Variants in PFKP observed in about 807,000 individuals in gnomAD.
PFKP encodes the protein phosphofructokinase, platelet.
In PFKP, 101 loss-of-function variants were observed where a neutral mutation model predicts 94.3. The ratio of observed to expected loss-of-function variants is 1.07; its 90% confidence interval spans 0.91 to 1.26. The LOEUF (loss-of-function observed/expected upper bound fraction) is 1.26. Among genes scored for constraint, PFKP ranks in the 50% most tolerant of loss-of-function variants. The pLI is 0.00. For synonymous variants in PFKP, 573 were observed against 432.6 expected (o/e 1.32, Z -4.03); for missense variants, 1,145 against 1,103.3 (o/e 1.04, Z -0.53).
intron 2 of PFKP, among the ~76,000 whole-genome samples, chr10:3,089,146 T>G (rs1833855287): frequency 6.6e-6 from 1 of 152,188 alleles, no homozygotes; most frequent in African/African-American, 2.4e-5. Context: ...TTGGCCAGGC[T>G]GGTCTCAAAC....
intron 1 of PFKP, among the ~76,000 whole-genome samples, chr10:3,072,743 A>T (rs531112052): frequency 5.3e-5 from 8 of 152,102 alleles, no homozygotes; most frequent in African/African-American, 1.9e-4. Context: ...ATCAGGGAGA[A>T]TTAGGCTCTT....
At chr10:3,078,241 TCATTGCAGGTGTGCACGTCTGCCTG>T (rs534069570) in intron 1 of PFKP, among the ~76,000 whole-genome samples, 5,946 of 152,328 alleles carry the variant, frequency 0.039, 159 homozygotes, top group Non-Finnish European at 0.056. Flanking sequence ...GTGAAAGCCC[TCATTGCAGGTGTGCACGTCTGCCTG>T]CATTGCAGGT....
At chr10:3,116,572 C>T (rs1836846146) in intron 13 of PFKP, among the ~76,000 whole-genome samples, 1 of 152,216 alleles carries the variant, frequency 6.6e-6, no homozygotes, top group Non-Finnish European at 1.5e-5. Flanking sequence ...CGCAGCCCCT[C>T]TGCTGCTCTT....
At chr10:3,133,725 C>A (rs4881105) in intron 19 of PFKP, among the ~76,000 whole-genome samples, 1 of 152,116 alleles carries the variant, frequency 6.6e-6, no homozygotes, top group African/African-American at 2.4e-5. Flanking sequence ...GCCACTGTGC[C>A]CAGCCAAAAC....
chr10:3,119,773 TGA>T, intron 15 of PFKP, 117 bp from the exon 16 acceptor site: 1 of 638,332 alleles, frequency 1.6e-6, no homozygotes, highest in Non-Finnish European at 2.5e-6. Flanking sequence ...AGTGTTTTCG[TGA>T]TGCCCCAGTG....
At chr10:3,102,315 C>G (rs1835103832) in intron 4 of PFKP, among the ~76,000 whole-genome samples, 1 of 148,220 alleles carries the variant, frequency 6.7e-6, no homozygotes, top group Non-Finnish European at 1.5e-5. Context: ...GACGATAAAT[C>G]TCTGCCAATA....
intron 16 of PFKP, among the ~76,000 whole-genome samples, chr10:3,123,447 AG>A (rs1439684354): frequency 5.3e-5 from 8 of 152,160 alleles, no homozygotes; most frequent in African/African-American, 1.9e-4. Context: ...GAGGAGTGAT[AG>A]GGAAGAGGGG....
intron 4 of PFKP, among the ~76,000 whole-genome samples, chr10:3,102,253 A>AAAAAAAAAAAAC: frequency 1.6e-5 from 1 of 62,654 alleles, no homozygotes; most frequent in Non-Finnish European, 3.9e-5. Flanking sequence ...TCTGTCTCAA[A>AAAAAAAAAAAAC]AAAAAAAAAA....
intron 14 of PFKP, 86 bp downstream of exon 14, chr10:3,116,932 C>G: frequency 9.5e-7 from 1 of 1,056,662 alleles, no homozygotes; most frequent in East Asian, 2.4e-5. Flanking sequence ...GGTGCCGACG[C>G]CAGTTGGATT....
At chr10:3,081,310 A>G (rs1424403987) in intron 1 of PFKP, among the ~76,000 whole-genome samples, 1 of 152,218 alleles carries the variant, frequency 6.6e-6, no homozygotes, top group Non-Finnish European at 1.5e-5. Context: ...AAGTGCACAT[A>G]GCCTGCCTCT....
chr10:3,087,724 A>C (rs1833709038), intron 2 of PFKP, among the ~76,000 whole-genome samples: 1 of 152,060 alleles, frequency 6.6e-6, no homozygotes, highest in African/African-American at 2.4e-5. Flanking sequence ...TTTGAGCCCA[A>C]ATTTCCTCTC....
intron 1 of PFKP, among the ~76,000 whole-genome samples, chr10:3,077,199 G>A (rs1779732678): frequency 6.6e-6 from 1 of 151,404 alleles, no homozygotes; most frequent in Admixed American, 6.6e-5. Flanking sequence ...GACAATGGAG[G>A]AGGTAAAAGA....
intron 2 of PFKP, among the ~76,000 whole-genome samples, chr10:3,090,688 G>C (rs1454145146): frequency 6.6e-6 from 1 of 152,080 alleles, no homozygotes. Context: ...CAGCACCCCT[G>C]TGTCCACCTA....
chr10:3,083,212 T>C (rs1160698034), intron 2 of PFKP, among the ~76,000 whole-genome samples: 1 of 152,194 alleles, frequency 6.6e-6, no homozygotes, highest in African/African-American at 2.4e-5. Context: ...ACTTTGAGCT[T>C]TTCATCATTC....
rs1270136148 is a variant in PFKP, at chr10:3,112,217, A to G, written c.1090-5A>G. ...TCTTTCTTCTTTTCATCATTGTTTT[A>G]AAAGACTCAGGATGTGCAGAAGGCG... On this transcript the variant is annotated splice_region_variant and splice_polypyrimidine_tract_variant and intron_variant, in intron 10 of 21. Transcript: ENST00000381125. 6.2e-7 allele frequency: 1 copy of G among 1,611,366 alleles called. No homozygotes were observed. Among genetic ancestry groups the G allele is most frequent in the African/African-American group, 1.3e-5 (1 of 74,964 alleles).
At position 3,105,110 on chromosome 10, in the gene PFKP, T is replaced by A. The variant is rs1235671955; in HGVS notation, c.621-5T>A. 1.2e-6 allele frequency: 2 copies of A among 1,613,836 alleles called. No individual in the cohort carries two copies. The highest frequency in any genetic ancestry group is 1.7e-6 in the Non-Finnish European group (2 of 1,179,770). The stretch of plus-strand genomic sequence containing the variant: ...TGTCCGGGGCTCCCTCTGTTTCTCT[T>A]CCAGCCACCAGAGGACCTTCGTTCT... On this transcript the variant is annotated splice_region_variant and splice_polypyrimidine_tract_variant and intron_variant, in intron 5 of 21. Coordinates refer to ENST00000381125, the MANE Select transcript of PFKP (RefSeq NM_002627.5).
chr10:3,113,227 G>A (rs1221999047), intron 12 of PFKP, 39 bp downstream of exon 12: 2 of 1,598,316 alleles, frequency 1.3e-6, no homozygotes, highest in Non-Finnish European at 8.5e-7. Flanking sequence ...GACCTCTCCT[G>A]CGGGCCTCCC....
rs530346062 is a variant in PFKP at position 3,120,521 on chromosome 10, C to T, written c.1683+477C>T. Among the ~76,000 whole-genome samples, 8 of 152,300 alleles carry T rather than the reference C, an allele frequency of 5.3e-5. 1 individual carries two copies. The highest frequency in any genetic ancestry group is 1.9e-4 in the East Asian group (1 of 5,192). ...ATTCATTGCCCTGAATGCACCATTGCATTTGTTATCTCTCTGGTCTTGGCT... is the reference window on the plus strand; with the variant it reads ...ATTCATTGCCCTGAATGCACCATTGTATTTGTTATCTCTCTGGTCTTGGCT... On this transcript the variant is annotated intron_variant, in intron 16 of 21. Coordinates refer to ENST00000381125, the MANE Select transcript of PFKP (RefSeq NM_002627.5).
At chr10:3,094,943 CTA>C (rs1564289148) in intron 2 of PFKP, among the ~76,000 whole-genome samples, 2 of 152,184 alleles carry the variant, frequency 1.3e-5, no homozygotes, top group Admixed American at 6.5e-5. Flanking sequence ...GATGCAGTAA[CTA>C]TGTCTGCAGG....
Sources: gnomAD v4.1 joint callset for allele counts (sites outside exome capture counted in the v4.1 genomes callset) on GRCh38, gnomAD v4.1.1 for gene constraint, MANE v1.5 for transcripts, NCBI Gene and HGNC (gene_info 2026-07-23, HGNC 2026-07-21) for gene names.